TAPBPL: variants seen among roughly 807,000 people sequenced by gnomAD.
TAPBPL encodes the protein TAP binding protein like.
Under a neutral mutation model 44.8 loss-of-function variants are expected in TAPBPL, and 32 were observed. That is an observed-to-expected ratio of 0.71 (90% CI 0.54 to 0.96). The LOEUF (loss-of-function observed/expected upper bound fraction) is 0.96. Among genes scored for constraint, TAPBPL ranks in the 40% least tolerant of loss-of-function variants. TAPBPL has a pLI of 0.00. For synonymous variants in TAPBPL, 230 were observed against 240.7 expected, an observed-to-expected ratio of 0.96 and a Z score of 0.41; for missense variants, 520 against 586.6, an observed-to-expected ratio of 0.89 and a Z score of 1.17.
chr12:6,464,806 C>A, downstream of TAPBPL: 1 of 1,603,184 alleles, frequency 6.2e-7, no homozygotes, highest in Non-Finnish European at 8.5e-7. Context: ...AGCAGCCCCA[C>A]TCCCCAGGCA....
chr12:6,457,838 T>C (rs1204156564), intron 4 of TAPBPL, 94 bp downstream of exon 4: 6 of 1,344,472 alleles, frequency 4.5e-6, no homozygotes, highest in Non-Finnish European at 6.0e-6. Flanking sequence ...AATGATTTCC[T>C]GAGAAGCAGG....
Position 6,457,473 on chromosome 12 carries a change from C to T in TAPBPL, c.633C>T (p.Asp211=). Residue 211 remains aspartate, a synonymous_variant, in exon 4 of 7, where the codon GAC becomes GAT. Transcript: ENST00000266556. ...TGCTGGGGTCCTCAGCCTCCTTGGA[C>T]TGTGGCTTCTCCATGGCACCGGGCT... ...SFLLGSSASL[D]CGFSMAPGLD... 2 of 1,614,248 alleles carry T rather than the reference C, an allele frequency of 1.2e-6. No individual in the cohort carries two copies. The highest frequency in any genetic ancestry group is 1.7e-6 in the Non-Finnish European group (2 of 1,180,046).
chr12:6,452,658 G>A, intron 1 of TAPBPL: 1 of 1,259,842 alleles, frequency 7.9e-7, no homozygotes, highest in African/African-American at 1.5e-5. Context: ...GAAGGCGGGG[G>A]AGGGGAAGGC....
downstream of TAPBPL, chr12:6,466,243 G>C (rs774269433): frequency 1.9e-6 from 3 of 1,614,070 alleles, no homozygotes; most frequent in Non-Finnish European, 2.5e-6. Flanking sequence ...CTTGTGCCTG[G>C]GTTTGCTGTA....
chr12:6,464,327 C>T, downstream of TAPBPL: 1 of 1,548,716 alleles, frequency 6.5e-7, no homozygotes, highest in Non-Finnish European at 8.7e-7. Context: ...CAAATGAACG[C>T]AACGAAAAAG....
chr12:6,453,193 T>C lies in TAPBPL; in HGVS notation c.191T>C (p.Leu64Pro). 1 of 1,613,010 alleles carries C rather than the reference T, an allele frequency of 6.2e-7. No individual in the cohort carries two copies. The change falls in exon 2 of 7, where the codon CTG becomes CCG. Residue 64 changes from leucine (L) to proline (P), a missense_variant. Physicochemically the swap from Leu to Pro is moderately conservative, Grantham distance 98 (BLOSUM62 -3). Transcript: ENST00000266556. This position sits in a 1 kb window ranked among gnomAD's most constrained non-coding sequence, Gnocchi z 4.8. ...GACAGGGCAAGGGCCTCCCTTGTGC[T>C]GAAGCAGGTGCCAGTGCTGGACGAT... Reference protein sequence around the residue: ...SEDRARASLVLKQVPVLDDGS... With the variant: ...SEDRARASLVPKQVPVLDDGS...
Position 6,453,662 on chromosome 12 carries a change from T to C in TAPBPL, c.511T>C (p.Trp171Arg). 6.2e-7 allele frequency: 1 copy of C among 1,613,528 alleles called. No homozygotes were observed. The change falls in exon 3 of 7, where the codon TGG (tryptophan) becomes CGG (arginine). Residue 171 changes from tryptophan (W) to arginine (R), a missense_variant. Trp to Arg is a moderately radical substitution (Grantham distance 101). Transcript: ENST00000266556. This position sits in a 1 kb window ranked among gnomAD's most constrained non-coding sequence, Gnocchi z 4.8. Reference sequence around the variant, plus strand: ...CAGGGTCACCAAGAATGAGGCGCTCTGGCACCCGACGCTGAACTTGCCACT... The same window carrying C: ...CAGGGTCACCAAGAATGAGGCGCTCCGGCACCCGACGCTGAACTTGCCACT... ...TPRVTKNEALWHPTLNLPLSP... is the reference protein window; with the variant it reads ...TPRVTKNEALRHPTLNLPLSP...
chr12:6,453,093 C>A lies in TAPBPL; in HGVS notation c.91C>A (p.Arg31=), dbSNP rs143587254. Residue 31 remains arginine (R), a synonymous_variant, in exon 2 of 7, where the codon CGG becomes AGG. Transcript: ENST00000266556. The surrounding 1 kb of genome is among the most constrained non-coding windows in gnomAD (Gnocchi z 4.8). ...GCCCCACCCAGCAGAGGGGCAGTGG[C>A]GGGCAGTGGACGTGGTCCTAGACTG... ...TKPHPAEGQW[R]AVDVVLDCFL... 6.3e-7 allele frequency: 1 copy of A among 1,576,452 alleles called. No individual in the cohort carries two copies. The highest frequency in any genetic ancestry group is 8.6e-7 in the Non-Finnish European group (1 of 1,160,730).
chr12:6,458,989 C>A, intron 5 of TAPBPL, 42 bp downstream of exon 5: 1 of 1,586,774 alleles, frequency 6.3e-7, no homozygotes, highest in South Asian at 1.1e-5. Flanking sequence ...CACACTAGGG[C>A]TCATGGCTCT....
At chr12:6,454,178 CCT>C (rs998931780) in intron 3 of TAPBPL, among the ~76,000 whole-genome samples, 8 of 151,918 alleles carry the variant, frequency 5.3e-5, no homozygotes, top group African/African-American at 1.5e-4. Context: ...CCTAAAAACC[CCT>C]GAGTCAGGCC....
chr12:6,465,047 A>ATCT, downstream of TAPBPL: 2 of 1,537,334 alleles, frequency 1.3e-6, no homozygotes, highest in Admixed American at 1.9e-5. Flanking sequence ...GACAATGGAA[A>ATCT]AAACCACCCA....
chr12:6,464,272 T>TA (rs1327617830), downstream of TAPBPL: 9 of 1,535,236 alleles, frequency 5.9e-6, no homozygotes, highest in Non-Finnish European at 7.0e-6. Context: ...GGTAATGACT[T>TA]AGATTGTGCC....
In TAPBPL at chr12:6,462,093, A is replaced by G. The variant is rs767438563; in HGVS notation, c.1351A>G (p.Thr451Ala). Reference sequence around the variant, plus strand: ...CTGGGAGACCACTTCCTGTGCTGACACACAGAGCTCCCATCTCCATGAAGA... The same window carrying G: ...CTGGGAGACCACTTCCTGTGCTGACGCACAGAGCTCCCATCTCCATGAAGA... ...ERWETTSCAD[T>A]QSSHLHEDRT... The change falls in exon 7 of 7, where the codon ACA becomes GCA. Residue 451 changes from threonine to alanine, a missense_variant. Coordinates refer to ENST00000266556, the MANE Select transcript of TAPBPL (RefSeq NM_018009.5). 3.1e-6 allele frequency: 5 copies of G among 1,613,884 alleles called. No homozygotes were observed. Among genetic ancestry groups the G allele is most frequent in the South Asian group, 1.1e-5 (1 of 91,058 alleles).
chr12:6,455,135 A>C (rs1949668726), intron 3 of TAPBPL, among the ~76,000 whole-genome samples: 1 of 152,208 alleles, frequency 6.6e-6, no homozygotes, highest in Non-Finnish European at 1.5e-5. Context: ...TAGATCCACC[A>C]GTTGTTAACA....
At chr12:6,465,738 A>G (rs767372020), downstream of TAPBPL, 37 of 1,445,680 alleles carry the variant, frequency 2.6e-5, no homozygotes, top group Non-Finnish European at 3.2e-5. Flanking sequence ...CTGGTCAGAG[A>G]GATCCTGCAC....
At chr12:6,461,868 G>T (rs917352735) in intron 6 of TAPBPL, among the ~76,000 whole-genome samples, 166 bp from the exon 7 acceptor site, 1 of 152,262 alleles carries the variant, frequency 6.6e-6, no homozygotes. Context: ...GGGTAAGGGG[G>T]TGTTCACTGA....
downstream of TAPBPL, chr12:6,464,922 G>C: frequency 1.2e-6 from 2 of 1,613,906 alleles, no homozygotes; most frequent in South Asian, 2.2e-5. Flanking sequence ...GGCACAGATG[G>C]CTCCCAGCAT....
intron 3 of TAPBPL, among the ~76,000 whole-genome samples, chr12:6,454,072 AGTG>A (rs1348479257): frequency 1.3e-5 from 2 of 152,090 alleles, no homozygotes; most frequent in East Asian, 3.8e-4. Context: ...GCTTTTCTAA[AGTG>A]GTAAGATATG....
chr12:6,470,147 G>A (rs1440370948), downstream of TAPBPL, among the ~76,000 whole-genome samples: 1 of 152,184 alleles, frequency 6.6e-6, no homozygotes, highest in East Asian at 1.9e-4. Context: ...CTGAGGCGCT[G>A]AGTAGTGATT....
Sources: allele counts gnomAD v4.1 joint callset (sites outside exome capture counted in the v4.1 genomes callset), GRCh38; gene constraint gnomAD v4.1.1; non-coding constraint Gnocchi (gnomAD v3.1); transcripts MANE v1.5; gene names NCBI Gene and HGNC (gene_info 2026-07-23, HGNC 2026-07-21).